UNC79: variants seen among roughly 807,000 people sequenced by gnomAD.
UNC79 encodes the protein unc-79 subunit of NALCN channel complex.
Under a neutral mutation model 283.1 loss-of-function variants are expected in UNC79, and 37 were observed. The ratio of observed to expected loss-of-function variants is 0.13; its 90% CI spans 0.10 to 0.17. The LOEUF is 0.17. Ranked by LOEUF, UNC79 falls within the 10% of genes least tolerant of loss-of-function variation. The probability of loss-of-function intolerance (pLI) is 1.00; values close to 1 mark genes in which losing one functional copy is unlikely to be tolerated. For synonymous variants in UNC79, 1,107 were observed against 1,200.2 expected (o/e 0.92, Z 1.61); for missense variants, 2,272 against 3,211.1 (o/e 0.71, Z 7.07).
chr14:93,585,125 G>A (rs534739078), intron 20 of UNC79, among the ~76,000 whole-genome samples: 1 of 152,236 alleles, frequency 6.6e-6, no homozygotes, highest in East Asian at 1.9e-4. Flanking sequence ...CTCTTTTCCT[G>A]CTCAGACTCT....
chr14:93,697,490 T>G (rs2075228765), intron 47 of UNC79, among the ~76,000 whole-genome samples: 1 of 152,228 alleles, frequency 6.6e-6, no homozygotes, highest in Non-Finnish European at 1.5e-5. Context: ...CTTTATAATA[T>G]TCATTGAAAT....
intron 1 of UNC79, among the ~76,000 whole-genome samples, chr14:93,365,639 T>G (rs2054314067): frequency 1.3e-5 from 2 of 152,158 alleles, no homozygotes; most frequent in African/African-American, 4.8e-5. Flanking sequence ...ACTCAACATC[T>G]GCGCTAAATA....
chr14:93,600,952 G>C (rs1263671573), intron 25 of UNC79, among the ~76,000 whole-genome samples, 182 bp downstream of exon 25: 1 of 152,016 alleles, frequency 6.6e-6, no homozygotes, highest in Non-Finnish European at 1.5e-5. Context: ...AGCATATCCT[G>C]GCATTCCAAA....
chr14:93,502,872 T>A (rs140926357), intron 7 of UNC79, among the ~76,000 whole-genome samples: 252 of 152,360 alleles, frequency 1.7e-3, no homozygotes, highest in Non-Finnish European at 3.1e-3. Context: ...CATCAGTACA[T>A]TGGATTTTTG....
At chr14:93,361,976 GTGA>G (rs1400539302) in intron 1 of UNC79, among the ~76,000 whole-genome samples, 1 of 152,162 alleles carries the variant, frequency 6.6e-6, no homozygotes, top group Non-Finnish European at 1.5e-5. Context: ...TTCTGTTCAT[GTGA>G]TGAAAACATT....
intron 1 of UNC79, among the ~76,000 whole-genome samples, chr14:93,357,676 CATATATATATATATATATATATATATAT>C (rs60284787): frequency 1.3e-3 from 42 of 32,360 alleles, no homozygotes; most frequent in Admixed American, 4.9e-3. Flanking sequence ...AATAAACTCC[CATATATATATATATATATATATATATAT>C]ATATATATAT....
At chr14:93,345,574 C>A (rs2053807621) in intron 1 of UNC79, among the ~76,000 whole-genome samples, 1 of 151,890 alleles carries the variant, frequency 6.6e-6, no homozygotes, top group African/African-American at 2.4e-5. Flanking sequence ...AACTATAATT[C>A]TAAAATAAAA....
chr14:93,540,698 A>G, exon 13 of UNC79: 1 of 1,613,808 alleles, frequency 6.2e-7, no homozygotes. Flanking sequence ...GAGCAGCGAG[A>G]ACATGAGCTG....
At chr14:93,596,517 C>T (rs1212200818) in intron 23 of UNC79, among the ~76,000 whole-genome samples, 1 of 152,164 alleles carries the variant, frequency 6.6e-6, no homozygotes, top group Non-Finnish European at 1.5e-5. Context: ...TGCCTGTAAT[C>T]CCAGCTACTT....
intron 1 of UNC79, among the ~76,000 whole-genome samples, chr14:93,355,632 T>C (rs768594243): frequency 8.5e-5 from 13 of 152,158 alleles, no homozygotes; most frequent in Non-Finnish European, 1.5e-4. Flanking sequence ...CGTGCCTAAT[T>C]TTACAGTCTT....
At chr14:93,583,540 A>G (rs1245473347) in intron 20 of UNC79, among the ~76,000 whole-genome samples, 1 of 152,202 alleles carries the variant, frequency 6.6e-6, no homozygotes, top group Non-Finnish European at 1.5e-5. Context: ...GATCATATGA[A>G]CAGTGAATTG....
chr14:93,586,997 T>C, intron 22 of UNC79, 89 bp downstream of exon 22: 1 of 1,520,734 alleles, frequency 6.6e-7, no homozygotes, highest in Non-Finnish European at 8.8e-7. Flanking sequence ...ACTGGCTTGT[T>C]TGGGTTATTT....
At chr14:93,486,816 A>G (rs940808025) in intron 4 of UNC79, among the ~76,000 whole-genome samples, 1 of 151,908 alleles carries the variant, frequency 6.6e-6, no homozygotes. Context: ...ATTTGATGTC[A>G]TCTTAAACAA....
At chr14:93,350,416 GT>G (rs1566885441) in intron 1 of UNC79, among the ~76,000 whole-genome samples, 1 of 151,996 alleles carries the variant, frequency 6.6e-6, no homozygotes, top group African/African-American at 2.4e-5. Flanking sequence ...TTGTCTTAAA[GT>G]AAAATAACTG....
At chr14:93,441,304 T>C (rs1354621218) in intron 1 of UNC79, among the ~76,000 whole-genome samples, 3 of 152,080 alleles carry the variant, frequency 2.0e-5, no homozygotes, top group Non-Finnish European at 4.4e-5. Flanking sequence ...CTTTTATTTT[T>C]AACTCTTTTG....
intron 1 of UNC79, among the ~76,000 whole-genome samples, chr14:93,393,038 C>T (rs2054914900): frequency 2.0e-5 from 3 of 152,150 alleles, no homozygotes; most frequent in African/African-American, 7.2e-5. Flanking sequence ...GAGCCTCTTG[C>T]TGCATCATAA....
At chr14:93,547,576 T>C (rs893298766) in intron 14 of UNC79, among the ~76,000 whole-genome samples, 4 of 152,096 alleles carry the variant, frequency 2.6e-5, no homozygotes, top group African/African-American at 9.7e-5. Context: ...CACTAAGAGA[T>C]TTCAAAAGTA....
At chr14:93,476,013 C>T (rs1012809217) in intron 3 of UNC79, among the ~76,000 whole-genome samples, 4 of 152,152 alleles carry the variant, frequency 2.6e-5, no homozygotes, top group African/African-American at 9.7e-5. Flanking sequence ...GGCATTGTTT[C>T]TTGAAGCATG....
At chr14:93,427,127 TCA>T (rs1409017896), upstream of UNC79, among the ~76,000 whole-genome samples, 1 of 152,208 alleles carries the variant, frequency 6.6e-6, no homozygotes, top group Non-Finnish European at 1.5e-5. Context: ...CATGTGTGGT[TCA>T]GAGATCAGCT....
Sources: allele counts gnomAD v4.1 joint callset (sites outside exome capture counted in the v4.1 genomes callset), GRCh38; gene constraint gnomAD v4.1.1; transcripts MANE v1.5; gene names NCBI Gene and HGNC (gene_info 2026-07-23, HGNC 2026-07-21).